The following NPAS2 variants were observed in gnomAD, a reference collection of about 807,000 sequenced individuals.
NPAS2 encodes the protein neuronal PAS domain-containing protein 2.
A neutral mutation model predicts 107.5 loss-of-function variants in NPAS2; 23 were observed. That is an observed-to-expected ratio of 0.21 (90% CI 0.15 to 0.30). NPAS2 has a LOEUF of 0.30. Ranked by LOEUF, NPAS2 falls within the 10% of genes least tolerant of loss-of-function variation. NPAS2 has a pLI of 1.00. For missense variants in NPAS2, 756 were observed against 1,043.3 expected, an observed-to-expected ratio of 0.72 and a Z score of 3.79; for synonymous variants, 403 against 417.5, an observed-to-expected ratio of 0.97 and a Z score of 0.42.
intron 5 of NPAS2, among the ~76,000 whole-genome samples, chr2:100,947,644 C>T (rs934694999): frequency 3.3e-5 from 5 of 152,142 alleles, no homozygotes; most frequent in African/African-American, 7.2e-5. Context: ...GCTCCTGTTA[C>T]GGGCAGCACA....
chr2:100,942,564 A>G (rs547815171), intron 5 of NPAS2, among the ~76,000 whole-genome samples: 1 of 132,874 alleles, frequency 7.5e-6, no homozygotes, highest in Non-Finnish European at 1.7e-5. Context: ...ATAAATACAG[A>G]TGTGTGTATA....
intron 2 of NPAS2, among the ~76,000 whole-genome samples, chr2:100,921,851 C>T (rs1683247498): frequency 6.6e-6 from 1 of 152,104 alleles, no homozygotes; most frequent in African/African-American, 2.4e-5. Flanking sequence ...AAATGAATGC[C>T]TATATCTACA....
At chr2:100,949,586 T>C in intron 7 of NPAS2, 106 bp downstream of exon 7, 1 of 673,318 alleles carries the variant, frequency 1.5e-6, no homozygotes, top group Non-Finnish European at 2.6e-6. Flanking sequence ...ACGCGTGCTT[T>C]TCACATTTGC....
chr2:100,883,699 G>A (rs1014198910), intron 1 of NPAS2, among the ~76,000 whole-genome samples: 3 of 152,084 alleles, frequency 2.0e-5, no homozygotes, highest in Non-Finnish European at 4.4e-5. Flanking sequence ...GCCCAGAATA[G>A]TACATGAGCT....
Position 100,990,891 on chromosome 2 carries a change from G to T in NPAS2, c.2111+19G>T, listed in dbSNP as rs780116876. 34 of 1,606,068 alleles carry T rather than the reference G, an allele frequency of 2.1e-5. No individual in the cohort carries two copies. Among genetic ancestry groups the T allele is most frequent in the Non-Finnish European group, 2.6e-5 (31 of 1,173,056 alleles). On this transcript the variant is annotated intron_variant, in intron 19 of 20. Coordinates refer to ENST00000335681, the MANE Select transcript of NPAS2 (RefSeq NM_002518.4). Reference sequence around the variant, plus strand: ...AAGTCAAGTACGTGGACCCTGGCGGGAGGCAGGAGGCAAGCGCTGGTGGAA... The same window carrying T: ...AAGTCAAGTACGTGGACCCTGGCGGTAGGCAGGAGGCAAGCGCTGGTGGAA...
Position 100,965,905 on chromosome 2 carries a change from A to T in NPAS2, c.907+139A>T, listed in dbSNP as rs2105162209. 1 of 602,884 alleles carries T rather than the reference A, an allele frequency of 1.7e-6. No homozygotes were observed. Among genetic ancestry groups the T allele is most frequent in the East Asian group, 2.8e-5 (1 of 36,250 alleles). The allele number at this position is 602,884 out of a possible 1,614,324, so 37.3% of individuals were successfully genotyped here. On this transcript the variant is annotated intron_variant, in intron 10 of 20. Transcript: ENST00000335681. This position sits in a 1 kb window ranked among gnomAD's most constrained non-coding sequence, Gnocchi z 4.3. Reference sequence around the variant, plus strand: ...GGTGAGGAACTTGGTTTTCTCTGAGATGATCTGGGGGCATGGTGGAGGCCC... The same window carrying T: ...GGTGAGGAACTTGGTTTTCTCTGAGTTGATCTGGGGGCATGGTGGAGGCCC...
Position 100,968,473 on chromosome 2 carries a change from G to T in NPAS2, c.1055+45G>T, listed in dbSNP as rs773706457. ...GTGCGGCTGCGTCCTTGTCGCACCTGGGGGAGGGGTGCAGGATGGCGTGGC... is the reference window on the plus strand; with the variant it reads ...GTGCGGCTGCGTCCTTGTCGCACCTTGGGGAGGGGTGCAGGATGGCGTGGC... On this transcript the variant is annotated intron_variant, in intron 11 of 20. Coordinates refer to ENST00000335681, the MANE Select transcript of NPAS2 (RefSeq NM_002518.4). This position sits in a 1 kb window ranked among gnomAD's most constrained non-coding sequence, Gnocchi z 5.3. 2.3e-5 allele frequency: 36 copies of T among 1,595,160 alleles called. No individual in the cohort carries two copies. The highest frequency in any genetic ancestry group is 3.1e-5 in the Non-Finnish European group (36 of 1,167,366).
intron 1 of NPAS2, among the ~76,000 whole-genome samples, chr2:100,885,179 T>C (rs1318881472): frequency 1.3e-5 from 2 of 152,142 alleles, no homozygotes; most frequent in Non-Finnish European, 2.9e-5. Flanking sequence ...CTCTGTCTCC[T>C]GACCTCATGA....
At chr2:100,825,512 T>C (rs1268637733) in intron 1 of NPAS2, among the ~76,000 whole-genome samples, 1 of 152,220 alleles carries the variant, frequency 6.6e-6, no homozygotes, top group Non-Finnish European at 1.5e-5. Context: ...CCCTTCATCC[T>C]TGTGGCCTAC....
At chr2:100,857,319 A>T (rs928236516) in intron 1 of NPAS2, among the ~76,000 whole-genome samples, 4 of 144,978 alleles carry the variant, frequency 2.8e-5, no homozygotes, top group Admixed American at 1.4e-4. Flanking sequence ...AAAAAAAAAG[A>T]TGTTATCATT....
At chr2:100,840,974 A>C (rs1677361023) in intron 1 of NPAS2, among the ~76,000 whole-genome samples, 1 of 152,134 alleles carries the variant, frequency 6.6e-6, no homozygotes, top group Admixed American at 6.5e-5. Flanking sequence ...TGTGCAACTT[A>C]GGAAAGTGGC....
chr2:100,948,409 G>C, intron 6 of NPAS2, 54 bp downstream of exon 6: 1 of 1,521,544 alleles, frequency 6.6e-7, no homozygotes, highest in Non-Finnish European at 8.9e-7. Flanking sequence ...TTTTGCTTTT[G>C]AAAGGAGGTT....
intron 1 of NPAS2, among the ~76,000 whole-genome samples, chr2:100,832,813 G>A (rs1676825216): frequency 6.6e-6 from 1 of 152,174 alleles, no homozygotes; most frequent in African/African-American, 2.4e-5. Flanking sequence ...TGCTGTGTTT[G>A]TGTGAGTTAG....
chr2:100,894,199 T>G (rs1401550414), intron 1 of NPAS2, among the ~76,000 whole-genome samples: 1 of 152,232 alleles, frequency 6.6e-6, no homozygotes, highest in African/African-American at 2.4e-5. Flanking sequence ...CCTGGGTGTG[T>G]GAATGTCATT....
At chr2:100,970,151 C>T (rs1676453935) in intron 11 of NPAS2, among the ~76,000 whole-genome samples, 1 of 152,210 alleles carries the variant, frequency 6.6e-6, no homozygotes, top group South Asian at 2.1e-4. Context: ...GCAGTGGTCT[C>T]TGACTCCATG....
chr2:100,969,180 T>C (rs1284623916), intron 11 of NPAS2, among the ~76,000 whole-genome samples: 2 of 151,576 alleles, frequency 1.3e-5, no homozygotes, highest in Non-Finnish European at 2.9e-5. Flanking sequence ...TGCCTTTCTT[T>C]TTTTTTTTTT....
At position 100,878,518 on chromosome 2, in the gene NPAS2, CTTTG is replaced by C. The variant is rs1217858265; in HGVS notation, c.-22-26208_-22-26205del. The C allele has an allele frequency of 8.1e-6, 8 of 985,292 alleles. No homozygotes were observed. The South Asian group carries it at 1.9e-4, about 23-fold the overall frequency. 61.0% of individuals were successfully genotyped at this position (985,292 alleles called of 1,614,324 possible). On this transcript the variant is annotated intron_variant, in intron 1 of 20. Coordinates refer to ENST00000335681, the MANE Select transcript of NPAS2 (RefSeq NM_002518.4). ...GAAAAGGCATGGAGAGATTTGGCTA[CTTTG>C]TTTGTTCTTCTAAAGGAACACCTGG...
chr2:100,888,428 G>C (rs1392751856), intron 1 of NPAS2, among the ~76,000 whole-genome samples: 1 of 152,100 alleles, frequency 6.6e-6, no homozygotes, highest in African/African-American at 2.4e-5. Flanking sequence ...TGGAGAGGGG[G>C]ACAATGTGAT....
chr2:100,947,717 C>T (rs763144683), intron 5 of NPAS2, among the ~76,000 whole-genome samples: 22 of 152,178 alleles, frequency 1.4e-4, no homozygotes, highest in Admixed American at 9.8e-4. Context: ...CTGAACTCTA[C>T]CTTGTATTTA....
Sources: allele counts gnomAD v4.1 joint callset (sites outside exome capture counted in the v4.1 genomes callset), GRCh38; gene constraint gnomAD v4.1.1; non-coding constraint Gnocchi (gnomAD v3.1); transcripts MANE v1.5; gene names NCBI Gene and HGNC (gene_info 2026-07-23, HGNC 2026-07-21).